SAMD5: variants seen among roughly 807,000 people sequenced by gnomAD.
SAMD5 encodes the protein sterile alpha motif domain-containing protein 5.
SAMD5 carries 13 observed loss-of-function variants against 11.3 expected under a neutral mutation model. That is an observed-to-expected ratio of 1.15 (90% CI 0.75 to 1.83). The LOEUF is 1.83. SAMD5 is among the 40% of genes most tolerant of loss of function. The pLI is 0.00. For synonymous variants in SAMD5, 129 were observed against 111.3 expected, an observed-to-expected ratio of 1.16 and a Z score of -1.00; for missense variants, 255 against 239.1, an observed-to-expected ratio of 1.07 and a Z score of -0.44.
chr6:147,815,619 G>T, the SAMD5 span, among the ~76,000 whole-genome samples: 1 of 152,158 alleles, frequency 6.6e-6, no homozygotes, highest in Non-Finnish European at 1.5e-5. Flanking sequence ...TTCTTTCTTT[G>T]TTTAATAACT....
intron 1 of SAMD5, among the ~76,000 whole-genome samples, chr6:147,597,897 C>A (rs984794320): frequency 1.3e-5 from 2 of 152,124 alleles, no homozygotes; most frequent in Admixed American, 6.5e-5. Flanking sequence ...CACCTAGATA[C>A]TGCCCAGATA....
At chr6:147,513,332 C>T (rs1308516347) in intron 1 of SAMD5, among the ~76,000 whole-genome samples, 2 of 152,146 alleles carry the variant, frequency 1.3e-5, no homozygotes, top group East Asian at 3.9e-4. Context: ...GACAGTAGGA[C>T]AGCAGCAATG....
the SAMD5 span, among the ~76,000 whole-genome samples, chr6:147,938,957 C>T: frequency 5.9e-5 from 9 of 152,166 alleles, no homozygotes; most frequent in Non-Finnish European, 1.2e-4. Flanking sequence ...AGACTGCCCT[C>T]ACTGTGGATG....
chr6:147,613,965 G>A (rs1789827636), intron 1 of SAMD5, among the ~76,000 whole-genome samples: 1 of 151,892 alleles, frequency 6.6e-6, no homozygotes, highest in African/African-American at 2.4e-5. Flanking sequence ...AGCACTTCCT[G>A]CCCCCCAGGG....
the SAMD5 span, among the ~76,000 whole-genome samples, chr6:147,763,139 T>G: frequency 6.6e-6 from 1 of 152,048 alleles, no homozygotes; most frequent in Non-Finnish European, 1.5e-5. Context: ...ATTTTGAGAT[T>G]TTTTTCATTG....
chr6:147,775,164 T>G, the SAMD5 span, among the ~76,000 whole-genome samples: 5 of 152,128 alleles, frequency 3.3e-5, no homozygotes, highest in Non-Finnish European at 7.4e-5. Flanking sequence ...GGCTTGAACC[T>G]TGACTGGGTC....
intron 1 of SAMD5, among the ~76,000 whole-genome samples, chr6:147,541,590 G>A (rs1788605474): frequency 6.6e-6 from 1 of 152,086 alleles, no homozygotes; most frequent in Admixed American, 6.5e-5. Context: ...CCTTCTTTAG[G>A]ACTCATTGAA....
chr6:147,628,577 A>G (rs1790092806), intron 1 of SAMD5, among the ~76,000 whole-genome samples: 1 of 152,234 alleles, frequency 6.6e-6, no homozygotes, highest in Non-Finnish European at 1.5e-5. Flanking sequence ...ATCAGAGGTT[A>G]TCTTGATATT....
chr6:147,512,664 T>C (rs901178958), intron 1 of SAMD5, among the ~76,000 whole-genome samples: 9 of 152,212 alleles, frequency 5.9e-5, no homozygotes, highest in Non-Finnish European at 1.2e-4. Context: ...TCTTCTGCCC[T>C]GTATGTAGCT....
intron 1 of SAMD5, among the ~76,000 whole-genome samples, chr6:147,582,897 C>T (rs577333885): frequency 8.7e-4 from 132 of 152,278 alleles, no homozygotes; most frequent in Middle Eastern, 3.4e-3. Context: ...GGGTCTGTAA[C>T]GTGTGCCTAC....
the SAMD5 span, among the ~76,000 whole-genome samples, chr6:147,875,651 C>T: frequency 2.0e-5 from 3 of 152,094 alleles, no homozygotes; most frequent in South Asian, 6.2e-4. Context: ...AGCCACTCCC[C>T]ATCACTCGCA....
At chr6:147,530,923 T>G (rs966198482) in intron 1 of SAMD5, among the ~76,000 whole-genome samples, 5 of 152,372 alleles carry the variant, frequency 3.3e-5, no homozygotes, top group Middle Eastern at 3.4e-3. Flanking sequence ...TTAATCCAAG[T>G]TAACCTCTGA....
At chr6:147,608,893 A>C (rs193205878) in intron 1 of SAMD5, among the ~76,000 whole-genome samples, 2 of 152,308 alleles carry the variant, frequency 1.3e-5, no homozygotes, top group Non-Finnish European at 2.9e-5. Context: ...TGCCTGTATC[A>C]AAACAGCTCG....
At chr6:147,917,663 T>C in the SAMD5 span, among the ~76,000 whole-genome samples, 5 of 152,140 alleles carry the variant, frequency 3.3e-5, no homozygotes, top group Admixed American at 6.6e-5. Flanking sequence ...ATTGCCTAGG[T>C]TTTCTTCTAG....
At chr6:147,907,935 G>T in the SAMD5 span, among the ~76,000 whole-genome samples, 4 of 152,044 alleles carry the variant, frequency 2.6e-5, no homozygotes, top group African/African-American at 9.7e-5. Context: ...GTATTATTGG[G>T]TTTTATTTTC....
the SAMD5 span, among the ~76,000 whole-genome samples, chr6:147,858,676 C>A: frequency 1.3e-5 from 2 of 152,174 alleles, no homozygotes; most frequent in East Asian, 1.9e-4. Flanking sequence ...CTCATTAAAT[C>A]GCCCCATCAG....
At chr6:147,606,774 G>A (rs539705086) in intron 1 of SAMD5, among the ~76,000 whole-genome samples, 2 of 152,000 alleles carry the variant, frequency 1.3e-5, no homozygotes, top group Admixed American at 1.3e-4. Context: ...AGTTCACTTT[G>A]CAGATGTGGA....
chr6:147,663,765 C>G (rs1464297250), intron 1 of SAMD5, among the ~76,000 whole-genome samples: 1 of 126,394 alleles, frequency 7.9e-6, no homozygotes, highest in African/African-American at 3.0e-5. Flanking sequence ...TTACTTCAGC[C>G]TGGGTGAAAG....
chr6:147,818,862 C>G, the SAMD5 span, among the ~76,000 whole-genome samples: 1 of 152,134 alleles, frequency 6.6e-6, no homozygotes, highest in East Asian at 1.9e-4. Context: ...AATTTTATGT[C>G]TTAATAATTT....
Sources: gnomAD v4.1 joint callset for allele counts (sites outside exome capture counted in the v4.1 genomes callset) on GRCh38, gnomAD v4.1.1 for gene constraint, MANE v1.5 for transcripts, NCBI Gene and HGNC (gene_info 2026-07-23, HGNC 2026-07-21) for gene names.